Variants in PCDH15 observed in about 807,000 individuals in gnomAD.
PCDH15 encodes the protein protocadherin related 15, also known as protocadherin-15.
A neutral mutation model predicts 178.5 loss-of-function variants in PCDH15; 129 were observed. The observed-to-expected ratio is 0.72, with a 90% confidence interval of 0.63 to 0.84. The LOEUF is 0.84. Among genes scored for constraint, PCDH15 ranks in the 40% least tolerant of loss-of-function variants. The pLI is 0.00. For missense variants in PCDH15, 2,230 were observed against 2,099.9 expected, an observed-to-expected ratio of 1.06 and a Z score of -1.21; for synonymous variants, 800 against 732.0, an observed-to-expected ratio of 1.09 and a Z score of -1.50.
At position 54,672,557 on chromosome 10, in the gene PCDH15, G is replaced by A. The variant is rs568757583; in HGVS notation, c.-28-8267C>T. ...GCCTTTGGAGAAGGACATATGCCAG[G>A]GAACTCCAGGTGACTTCTTGGACCA... On this transcript the variant is annotated intron_variant, in intron 1 of 37. Coordinates refer to ENST00000644397, the MANE Select transcript of PCDH15 (RefSeq NM_001384140.1). 2.2e-4 allele frequency among the ~76,000 whole-genome samples: 33 copies of A among 152,188 alleles called. 1 individual carries two copies. The South Asian group carries it at 6.8e-3, about 32-fold the overall frequency.
At chr10:54,333,604 A>AT (rs888175120) in intron 6 of PCDH15, among the ~76,000 whole-genome samples, 2 of 151,760 alleles carry the variant, frequency 1.3e-5, no homozygotes, top group Non-Finnish European at 2.9e-5. Context: ...AAAAAAGTAG[A>AT]TTTTTTAATA....
chr10:54,421,317 T>A (rs1228455988), intron 3 of PCDH15, among the ~76,000 whole-genome samples: 1 of 151,686 alleles, frequency 6.6e-6, no homozygotes, highest in Non-Finnish European at 1.5e-5. Context: ...TCTGTAGTTT[T>A]TTTATTTGTA....
intron 3 of PCDH15, among the ~76,000 whole-genome samples, chr10:54,499,772 A>G (rs1451451587): frequency 6.6e-6 from 1 of 152,166 alleles, no homozygotes; most frequent in Admixed American, 6.6e-5. Flanking sequence ...AAGTAGGAAA[A>G]AAAGATCAAA....
intron 21 of PCDH15, among the ~76,000 whole-genome samples, chr10:53,969,659 C>T (rs2089458803): frequency 6.6e-6 from 1 of 152,142 alleles, no homozygotes; most frequent in African/African-American, 2.4e-5. Context: ...AAGTGGATCT[C>T]TAAGCAAAAA....
At chr10:54,834,271 C>G (rs1030996758) in intron 3 of PCDH15, among the ~76,000 whole-genome samples, 1 of 151,398 alleles carries the variant, frequency 6.6e-6, no homozygotes, top group African/African-American at 2.4e-5. Context: ...CTCACTGCAA[C>G]CTCCGCCTCC....
At chr10:55,006,882 T>A (rs1056415144) in intron 2 of PCDH15, among the ~76,000 whole-genome samples, 1 of 152,172 alleles carries the variant, frequency 6.6e-6, no homozygotes, top group African/African-American at 2.4e-5. Flanking sequence ...TCAATGCCTA[T>A]ACATTCCATT....
At chr10:55,136,961 T>A (rs1213763481) in intron 2 of PCDH15, among the ~76,000 whole-genome samples, 3 of 152,190 alleles carry the variant, frequency 2.0e-5, no homozygotes, top group Non-Finnish European at 4.4e-5. Context: ...ATAAAGGTAG[T>A]CATGTTGAAG....
chr10:54,260,713 T>G (rs2057255779), intron 8 of PCDH15, among the ~76,000 whole-genome samples: 1 of 152,104 alleles, frequency 6.6e-6, no homozygotes, highest in Admixed American at 6.5e-5. Context: ...CCCAAGTAGC[T>G]GGAACTACTA....
intron 2 of PCDH15, among the ~76,000 whole-genome samples, chr10:54,563,070 AAGG>A: frequency 6.6e-6 from 1 of 152,314 alleles, no homozygotes; most frequent in South Asian, 2.1e-4. Context: ...TTTGAGCTTG[AAGG>A]TACTTATCAA....
intron 2 of PCDH15, among the ~76,000 whole-genome samples, chr10:55,585,611 G>A (rs1842711393): frequency 6.6e-6 from 1 of 152,070 alleles, no homozygotes; most frequent in Non-Finnish European, 1.5e-5. Flanking sequence ...AGGAGATGGA[G>A]GTTGCATTGA....
intron 2 of PCDH15, among the ~76,000 whole-genome samples, chr10:55,125,343 C>A (rs1272010329): frequency 6.6e-6 from 1 of 151,938 alleles, no homozygotes; most frequent in Admixed American, 6.6e-5. Flanking sequence ...AGGGTTTAGG[C>A]ATTAACTTTA....
intron 7 of PCDH15, among the ~76,000 whole-genome samples, chr10:54,323,154 C>T (rs1214944964): frequency 6.6e-6 from 1 of 152,002 alleles, no homozygotes; most frequent in Non-Finnish European, 1.5e-5. Context: ...AAATCAAAAC[C>T]ATAATGAGAT....
At chr10:54,331,729 C>G (rs760609682) in intron 6 of PCDH15, among the ~76,000 whole-genome samples, 3 of 151,974 alleles carry the variant, frequency 2.0e-5, no homozygotes, top group Non-Finnish European at 4.4e-5. Context: ...ATGGAAGATA[C>G]TGTGGTCTTA....
At chr10:54,054,213 A>T (rs1012788510) in intron 18 of PCDH15, among the ~76,000 whole-genome samples, 1 of 152,182 alleles carries the variant, frequency 6.6e-6, no homozygotes, top group Admixed American at 6.5e-5. Flanking sequence ...GAAGGAAAAT[A>T]AGCATCTCAA....
At chr10:54,767,957 A>C (rs1948700588) in intron 1 of PCDH15, among the ~76,000 whole-genome samples, 1 of 152,138 alleles carries the variant, frequency 6.6e-6, no homozygotes, top group Admixed American at 6.6e-5. Flanking sequence ...TTCAGTTAAT[A>C]ATAACGCATC....
chr10:55,597,560 A>T (rs1278799161), intron 2 of PCDH15, among the ~76,000 whole-genome samples: 1 of 152,210 alleles, frequency 6.6e-6, no homozygotes, highest in Non-Finnish European at 1.5e-5. Flanking sequence ...TTATATGTTA[A>T]CTAAATTTCT....
At chr10:55,588,546 T>C (rs896982521) in intron 2 of PCDH15, among the ~76,000 whole-genome samples, 7 of 152,122 alleles carry the variant, frequency 4.6e-5, no homozygotes, top group African/African-American at 9.7e-5. Context: ...AACAATTTAA[T>C]GTCAATTCAT....
intron 1 of PCDH15, among the ~76,000 whole-genome samples, chr10:55,180,579 A>G (rs1839621269): frequency 6.6e-6 from 1 of 152,142 alleles, no homozygotes; most frequent in African/African-American, 2.4e-5. Context: ...CACCACAGAA[A>G]GGCATAGAGT....
At chr10:54,908,099 C>T (rs1056903062) in intron 2 of PCDH15, among the ~76,000 whole-genome samples, 2 of 152,216 alleles carry the variant, frequency 1.3e-5, no homozygotes, top group African/African-American at 4.8e-5. Context: ...GTGCCTTTGC[C>T]TGAGTTTTGC....
Sources: gnomAD v4.1 joint callset for allele counts (sites outside exome capture counted in the v4.1 genomes callset) on GRCh38, gnomAD v4.1.1 for gene constraint, MANE v1.5 for transcripts, NCBI Gene and HGNC (gene_info 2026-07-23, HGNC 2026-07-21) for gene names.